EMILIN1: variants seen among roughly 807,000 people sequenced by gnomAD.
EMILIN1 encodes EMILIN-1.
EMILIN1 carries 49 observed loss-of-function variants against 82.4 expected under a neutral mutation model. That is an observed-to-expected ratio of 0.59 (90% confidence interval 0.47 to 0.75). The LOEUF (loss-of-function observed/expected upper bound fraction) is 0.75, where lower values mean the gene tolerates loss of function less well. Among genes scored for constraint, EMILIN1 ranks in the 30% least tolerant of loss-of-function variants. The pLI is 0.00. For synonymous variants in EMILIN1, 604 were observed against 602.2 expected (o/e 1.00, Z -0.04); for missense variants, 1,313 against 1,366.4 (o/e 0.96, Z 0.62).
Position 27,083,745 on chromosome 2 carries a change from G to A in EMILIN1, c.2174G>A (p.Gly725Glu), listed in dbSNP as rs755698078. The change falls in exon 4 of 8, where the codon GGG (glycine) becomes GAG (glutamate). Residue 725 changes from glycine to glutamate, a missense_variant. Physicochemically the swap from Gly to Glu is moderately conservative, Grantham distance 98. Transcript: ENST00000380320. The stretch of plus-strand genomic sequence containing the variant: ...GCCGGCCAGTGCCCCAGCTTAGAGG[G>A]GCGATTGGGCCGTCTTGAGGGTGTC... ...AQAGQCPSLE[G>E]RLGRLEGVCE... The A allele has an allele frequency of 1.9e-6, 3 of 1,613,386 alleles. No homozygotes were observed. Among genetic ancestry groups the A allele is most frequent in the South Asian group, 1.1e-5 (1 of 91,042 alleles).
Position 27,085,948 on chromosome 2 carries a change from C to T in EMILIN1, c.2984C>T (p.Ser995Leu). Reference protein sequence around the residue: ...VDLVMGQLAHSEEPLTIFSGA... With the variant: ...VDLVMGQLAHLEEPLTIFSGA... ...CTGGTCATGGGGCAGCTGGCGCACT[C>T]GGAGGAGCCGCTCACCATCTTCAGC... is the stretch of plus-strand genomic sequence containing the variant. The change falls in exon 8 of 8, where the codon TCG becomes TTG. Residue 995 changes from serine to leucine, a missense_variant. Physicochemically the swap from Ser to Leu is moderately radical, Grantham distance 145 (BLOSUM62 -2). Transcript: ENST00000380320. 6.6e-7 allele frequency: 1 copy of T among 1,517,154 alleles called. No homozygotes were observed. The highest frequency in any genetic ancestry group is 1.2e-5 in the South Asian group (1 of 81,058). The allele number at this position is 1,517,154 out of a possible 1,614,324, so 94.0% of individuals were successfully genotyped here.
chr2:27,083,508 A>G lies in EMILIN1; in HGVS notation c.1937A>G (p.Glu646Gly). The G allele has an allele frequency of 6.2e-7, 1 of 1,613,864 alleles. No homozygotes were observed. The change falls in exon 4 of 8, where the codon GAG (glutamate) becomes GGG (glycine). Residue 646 changes from glutamate to glycine, a missense_variant. Physicochemically the swap from Glu to Gly is moderately conservative, Grantham distance 98. Coordinates refer to ENST00000380320, the MANE Select transcript of EMILIN1 (RefSeq NM_007046.4). ...SGSALQALQG[E>G]LSEVILSFSS... ...TCAGCCCTGCAGGCCCTGCAAGGAGAGCTCTCTGAGGTTATTCTCAGCTTC... is the reference window on the plus strand; with the variant it reads ...TCAGCCCTGCAGGCCCTGCAAGGAGGGCTCTCTGAGGTTATTCTCAGCTTC...
In EMILIN1 at chr2:27,085,754, G is replaced by A. The variant is rs1232229607; in HGVS notation, c.2790G>A (p.Glu930=). The stretch of plus-strand genomic sequence containing the variant: ...CTGGGCACCGGCACGAGAAAGTGGA[G>A]GCCGTGCTGTCCCGCTCCAACCAGG... ...VLTGHRHEKV[E]AVLSRSNQGV... Residue 930 remains glutamate (E), a synonymous_variant, in exon 8 of 8, where the codon GAG becomes GAA. Coordinates refer to ENST00000380320, the MANE Select transcript of EMILIN1 (RefSeq NM_007046.4). The A allele has an allele frequency of 1.2e-6, 2 of 1,611,890 alleles. No homozygotes were observed. Among genetic ancestry groups the A allele is most frequent in the South Asian group, 1.1e-5 (1 of 91,074 alleles).
Position 27,080,195 on chromosome 2 carries a change from T to C in EMILIN1, c.215T>C (p.Leu72Pro). ...YVVTRTVSCV[L>P]EDGVETYVKY... ...GTGACCCGGACAGTGAGCTGTGTCC[T>C]TGAGGATGGAGTGGAGACATATGTC... Residue 72 changes from leucine to proline, a missense_variant, in exon 2 of 8, where the codon CTT (leucine) becomes CCT (proline). By Grantham distance (98) the Leu-to-Pro change is moderately conservative. Coordinates refer to ENST00000380320, the MANE Select transcript of EMILIN1 (RefSeq NM_007046.4). The C allele has an allele frequency of 6.2e-7, 1 of 1,614,084 alleles. No individual in the cohort carries two copies.
chr2:27,084,041 C>A, intron 4 of EMILIN1, 30 bp downstream of exon 4: 1 of 1,443,690 alleles, frequency 6.9e-7, no homozygotes, highest in Non-Finnish European at 9.1e-7. Context: ...GAGGGGACCC[C>A]TTTCAAGCCC....
chr2:27,084,373 C>G (rs377199731), intron 4 of EMILIN1, 42 bp from the exon 5 acceptor site: 21 of 1,241,486 alleles, frequency 1.7e-5, no homozygotes, highest in Middle Eastern at 1.9e-4. Flanking sequence ...CCATTGGAAA[C>G]TCCTTTTATG....
Position 27,083,146 on chromosome 2 carries a change from G to A in EMILIN1, c.1575G>A (p.Gly525=). 1.3e-6 allele frequency: 2 copies of A among 1,597,420 alleles called. No individual in the cohort carries two copies. Among genetic ancestry groups the A allele is most frequent in the East Asian group, 2.2e-5 (1 of 44,588 alleles). The change falls in exon 4 of 8, where the codon GGG becomes GGA. Residue 525 remains glycine (G), a synonymous_variant. Transcript: ENST00000380320. ...GCCTGCACACGGTGGAAGCAGCGGG[G>A]GAGGCCCGGCAGGCCACGCTGGAGG... is the stretch of plus-strand genomic sequence containing the variant. ...GSGLHTVEAA[G]EARQATLEGL...
At position 27,083,444 on chromosome 2, in the gene EMILIN1, C is replaced by T; in HGVS notation, c.1873C>T (p.Pro625Ser). ...AGGTGTTGGGGGCCCAAGCCGTGGG[C>T]CCCTGGACGGCTTCAGCGTGTTTGG... is the stretch of plus-strand genomic sequence containing the variant. ...GPGVGGPSRG[P>S]LDGFSVFGGS... The change falls in exon 4 of 8, where the codon CCC (proline) becomes TCC (serine). Residue 625 changes from proline to serine, a missense_variant. Pro to Ser is a moderately conservative substitution (Grantham distance 74). Transcript: ENST00000380320. 1 of 1,612,782 alleles carries T rather than the reference C, an allele frequency of 6.2e-7. No individual in the cohort carries two copies. The highest frequency in any genetic ancestry group is 8.5e-7 in the Non-Finnish European group (1 of 1,179,888).
chr2:27,082,671 G>A lies in EMILIN1; in HGVS notation c.1100G>A (p.Arg367His), dbSNP rs889091754. 9.7e-6 allele frequency: 15 copies of A among 1,554,066 alleles called. No homozygotes were observed. Among genetic ancestry groups the A allele is most frequent in the African/African-American group, 1.4e-5 (1 of 73,546 alleles). The change falls in exon 4 of 8, where the codon CGC (arginine) becomes CAC (histidine). Residue 367 changes from arginine to histidine, a missense_variant. Arg to His is a conservative substitution (Grantham distance 29). Coordinates refer to ENST00000380320, the MANE Select transcript of EMILIN1 (RefSeq NM_007046.4). Reference sequence around the variant, plus strand: ...GGCCGGCGACTGGCAGAGCTGGAGCGCAGGCTGGATGTCGTGGCCGGCTCA... The same window carrying A: ...GGCCGGCGACTGGCAGAGCTGGAGCACAGGCTGGATGTCGTGGCCGGCTCA... ...ELGRRLAELE[R>H]RLDVVAGSVT...
chr2:27,082,446 G>T lies in EMILIN1; in HGVS notation c.875G>T (p.Arg292Leu). The T allele has an allele frequency of 6.3e-7, 1 of 1,583,876 alleles. No homozygotes were observed. The highest frequency in any genetic ancestry group is 8.6e-7 in the Non-Finnish European group (1 of 1,167,950). ...CCGGGCCCCAGTGAGGAGCTGCTGC[G>T]GCAGCTGGAGCAGCGGTTGCAGGAG... The part of the protein sequence containing the change: ...APPGPSEELL[R>L]QLEQRLQESC... The change falls in exon 4 of 8, where the codon CGG becomes CTG. Residue 292 changes from arginine to leucine, a missense_variant. Coordinates refer to ENST00000380320, the MANE Select transcript of EMILIN1 (RefSeq NM_007046.4).
rs1669496865 is a variant in EMILIN1 at position 27,082,489 on chromosome 2, G to C, written c.918G>C (p.Leu306=). 6.4e-7 allele frequency: 1 copy of C among 1,551,828 alleles called. No homozygotes were observed. The highest frequency in any genetic ancestry group is 8.7e-7 in the Non-Finnish European group (1 of 1,149,816). ...QRLQESCSVC[L]AGLDGFRRQQ... The stretch of plus-strand genomic sequence containing the variant: ...TGCAGGAGTCCTGCTCCGTGTGCCT[G>C]GCCGGGCTAGATGGCTTCCGCCGGC... Residue 306 remains leucine, a synonymous_variant, in exon 4 of 8, where the codon CTG becomes CTC. Coordinates refer to ENST00000380320, the MANE Select transcript of EMILIN1 (RefSeq NM_007046.4).
At chr2:27,085,539 T>C (rs1280197145) in intron 7 of EMILIN1, 139 bp from the exon 8 acceptor site, 2 of 926,286 alleles carry the variant, frequency 2.2e-6, no homozygotes, top group Non-Finnish European at 3.2e-6. Context: ...TGGGAATGCA[T>C]AGTGAACAAA....
In EMILIN1 at chr2:27,079,075, C is replaced by T. The variant is rs757030616; in HGVS notation, c.10C>T (p.Arg4Cys). MAP[R>C]TLWSCYLCCL... is the part of the protein sequence containing the mutation. ...TGTGGAGCGCCCCGCCATGGCCCCC[C>T]GCACCCTCTGGAGCTGCTACCTCTG... Residue 4 changes from arginine to cysteine, a missense_variant, in exon 1 of 8, where the codon CGC becomes TGC. Physicochemically the swap from Arg to Cys is radical, Grantham distance 180 (BLOSUM62 -3). Coordinates refer to ENST00000380320, the MANE Select transcript of EMILIN1 (RefSeq NM_007046.4). 4.9e-5 allele frequency: 79 copies of T among 1,596,190 alleles called. 1 individual carries two copies. The highest frequency in any genetic ancestry group is 3.5e-4 in the South Asian group (32 of 90,384).
intron 4 of EMILIN1, 40 bp downstream of exon 4, chr2:27,084,051 C>G: frequency 5.6e-6 from 8 of 1,434,090 alleles, no homozygotes; most frequent in Non-Finnish European, 7.3e-6. Context: ...CTTTCAAGCC[C>G]CTTATTTTTC....
chr2:27,079,661 G>C (rs1278435765), intron 1 of EMILIN1, among the ~76,000 whole-genome samples: 3 of 152,228 alleles, frequency 2.0e-5, no homozygotes, highest in African/African-American at 7.2e-5. Context: ...GAGTGAATGG[G>C]GCCAGGAGTA....
At chr2:27,084,868 C>T in intron 5 of EMILIN1, 123 bp from the exon 6 acceptor site, 1 of 920,278 alleles carries the variant, frequency 1.1e-6, no homozygotes, top group South Asian at 1.3e-5. Flanking sequence ...TTTCTTGATA[C>T]CCCAATTCCT....
rs1420961097 is a variant in EMILIN1, at chr2:27,082,817, T to A, written c.1246T>A (p.Ser416Thr). ...GTCTCGCCTGGAGGACCGCTTCAAC[T>A]CCACCCTGGGCCCTTCGGAGGAGCA... is the stretch of plus-strand genomic sequence containing the variant. ...RLSRLEDRFNSTLGPSEEQEE... is the reference protein window; with the variant it reads ...RLSRLEDRFNTTLGPSEEQEE... Residue 416 changes from serine to threonine, a missense_variant, in exon 4 of 8, where the codon TCC (serine) becomes ACC (threonine). Transcript: ENST00000380320. 22 of 1,561,488 alleles carry A rather than the reference T, an allele frequency of 1.4e-5. No individual in the cohort carries two copies. Among genetic ancestry groups the A allele is most frequent in the Middle Eastern group, 4.5e-4 (2 of 4,432 alleles).
Position 27,082,684 on chromosome 2 carries a change from C to G in EMILIN1, c.1113C>G (p.Val371=). Residue 371 remains valine, a synonymous_variant, in exon 4 of 8, where the codon GTC becomes GTG. Transcript: ENST00000380320. Reference sequence around the variant, plus strand: ...CAGAGCTGGAGCGCAGGCTGGATGTCGTGGCCGGCTCAGTGACAGTGCTGA... The same window carrying G: ...CAGAGCTGGAGCGCAGGCTGGATGTGGTGGCCGGCTCAGTGACAGTGCTGA... The part of the protein sequence containing the change: ...RLAELERRLD[V]VAGSVTVLSG... The G allele has an allele frequency of 6.4e-7, 1 of 1,554,234 alleles. No individual in the cohort carries two copies. The highest frequency in any genetic ancestry group is 8.7e-7 in the Non-Finnish European group (1 of 1,153,240).
intron 2 of EMILIN1, 82 bp from the exon 3 acceptor site, chr2:27,080,650 C>A: frequency 8.3e-7 from 1 of 1,199,508 alleles, no homozygotes; most frequent in Non-Finnish European, 1.2e-6. Flanking sequence ...TGCCCACCAG[C>A]AGCTGCCCAC....
Sources: allele counts gnomAD v4.1 joint callset (sites outside exome capture counted in the v4.1 genomes callset), GRCh38; gene constraint gnomAD v4.1.1; transcripts MANE v1.5; gene names NCBI Gene and HGNC (gene_info 2026-07-23, HGNC 2026-07-21).